The following CBFA2T3 variants were observed in gnomAD, a reference collection of about 807,000 sequenced individuals.
CBFA2T3 encodes the protein transcriptional corepressor CBFA2T3.
A neutral mutation model predicts 58.6 loss-of-function variants in CBFA2T3; 31 were observed. The ratio of observed to expected loss-of-function variants is 0.53; its 90% CI spans 0.40 to 0.71. The LOEUF (loss-of-function observed/expected upper bound fraction) is 0.71. CBFA2T3 is among the 30% of genes least tolerant of loss of function. The pLI, the probability that CBFA2T3 is intolerant of heterozygous loss-of-function variation, is 0.00. For synonymous variants in CBFA2T3, 531 were observed against 421.9 expected (o/e 1.26, Z -3.17); for missense variants, 1,076 against 963.1 (o/e 1.12, Z -1.55).
chr16:88,956,210 A>G (rs1179928178), intron 1 of CBFA2T3, among the ~76,000 whole-genome samples: 1 of 152,274 alleles, frequency 6.6e-6, no homozygotes, highest in Non-Finnish European at 1.5e-5. Context: ...GAGCCTCCAG[A>G]CAGAATGGCC....
chr16:88,925,797 C>T (rs183253800), intron 1 of CBFA2T3, among the ~76,000 whole-genome samples: 1,713 of 152,316 alleles, frequency 0.011, 31 homozygotes, highest in African/African-American at 0.037. Flanking sequence ...TCCTGCTCCC[C>T]GGCGACGGGC....
chr16:88,948,103 T>C (rs1971951695), intron 1 of CBFA2T3, among the ~76,000 whole-genome samples: 1 of 152,134 alleles, frequency 6.6e-6, no homozygotes, highest in Non-Finnish European at 1.5e-5. Context: ...TTCAGTCCCA[T>C]AAATAACTCG....
chr16:88,941,038 AT>A, intron 1 of CBFA2T3: 1 of 983,966 alleles, frequency 1.0e-6, no homozygotes, highest in Non-Finnish European at 1.2e-6. Context: ...GGTCCGGGGG[AT>A]CCGGCGGGCG....
chr16:88,885,207 C>T lies in CBFA2T3; in HGVS notation c.956G>A (p.Cys319Tyr), dbSNP rs763767844. Residue 319 changes from cysteine to tyrosine, a missense_variant, in exon 7 of 12, where the codon TGC becomes TAC. By Grantham distance (194) the Cys-to-Tyr change is radical. Coordinates refer to ENST00000268679, the MANE Select transcript of CBFA2T3 (RefSeq NM_005187.6). This position sits in a 1 kb window ranked among gnomAD's most constrained non-coding sequence, Gnocchi z 5.3. ...LHPEHLSKRP[C>Y]TLNPAQRYSP... Reference sequence around the variant, plus strand: ...GTAGCGCTGGGCAGGGTTCAGGGTGCATGGCCGTTTGCTGAGGTGCTCGGG... The same window carrying T: ...GTAGCGCTGGGCAGGGTTCAGGGTGTATGGCCGTTTGCTGAGGTGCTCGGG... 28 of 1,597,954 alleles carry T rather than the reference C, an allele frequency of 1.8e-5. No individual in the cohort carries two copies. The South Asian group carries it at 2.0e-4, about 11-fold the overall frequency.
chr16:88,924,456 TG>T lies in CBFA2T3; in HGVS notation c.152-22801del, dbSNP rs1971021511. ...GAACGAGGCTCTCGGGGGCGATGGC[TG>T]GGATGGCCTTGGAGACGGGTCCAGC... is the stretch of plus-strand genomic sequence containing the variant. On this transcript the variant is annotated intron_variant, in intron 1 of 11. Coordinates refer to ENST00000268679, the MANE Select transcript of CBFA2T3 (RefSeq NM_005187.6). Among the ~76,000 whole-genome samples the T allele has an allele frequency of 3.3e-5, 5 of 151,916 alleles. No individual in the cohort carries two copies. The South Asian group carries it at 1.0e-3, about 32-fold the overall frequency.
chr16:88,878,315 C>T (rs1463763525), intron 11 of CBFA2T3, among the ~76,000 whole-genome samples: 5 of 152,246 alleles, frequency 3.3e-5, no homozygotes, highest in Admixed American at 1.3e-4. Context: ...TGGAAATGGC[C>T]GGTGCAGAGA....
In CBFA2T3 at chr16:88,956,744, G is replaced by A. The variant is rs189534784; in HGVS notation, c.151+19913C>T. On this transcript the variant is annotated intron_variant, in intron 1 of 11. Coordinates refer to ENST00000268679, the MANE Select transcript of CBFA2T3 (RefSeq NM_005187.6). ...AAGAGGCGCTCCAGGCGTGGGCGGC[G>A]GGGGCTGGCATCTGCTCCTCGGCTG... 2.6e-3 allele frequency among the ~76,000 whole-genome samples: 392 copies of A among 152,326 alleles called. 2 individuals are homozygous for A. Among genetic ancestry groups the A allele is most frequent in the South Asian group, 0.022 (107 of 4,828 alleles).
intron 1 of CBFA2T3, among the ~76,000 whole-genome samples, chr16:88,909,736 C>T (rs1250520844): frequency 1.3e-5 from 2 of 152,182 alleles, no homozygotes; most frequent in Non-Finnish European, 2.9e-5. Context: ...CTCACAGCCC[C>T]GGAGATGGAC....
At position 88,934,935 on chromosome 16, in the gene CBFA2T3, T is replaced by C. The variant is rs375533822; in HGVS notation, c.152-33279A>G. Among the ~76,000 whole-genome samples, 106 of 152,080 alleles carry C rather than the reference T, an allele frequency of 7.0e-4. No homozygotes were observed. The East Asian group carries it at 0.019, about 27-fold the overall frequency. On this transcript the variant is annotated intron_variant, in intron 1 of 11. Transcript: ENST00000268679. ...TTTGTATTTTTTAGTAGAGACGGGG[T>C]TTCACCGTGTTAGCCAGGATGGTCT...
chr16:88,899,641 AC>A (rs1257629073), intron 2 of CBFA2T3, among the ~76,000 whole-genome samples: 1 of 152,098 alleles, frequency 6.6e-6, no homozygotes, highest in Non-Finnish European at 1.5e-5. Context: ...GGAGCATCAG[AC>A]CGGCACCTTC....
chr16:88,899,964 CT>C (rs1487676635), intron 2 of CBFA2T3, among the ~76,000 whole-genome samples: 1 of 152,208 alleles, frequency 6.6e-6, no homozygotes, highest in Non-Finnish European at 1.5e-5. Flanking sequence ...CCGGAGGGCT[CT>C]TCCGAAGAGA....
chr16:88,959,764 G>A (rs146041763), intron 1 of CBFA2T3, among the ~76,000 whole-genome samples: 6 of 152,182 alleles, frequency 3.9e-5, no homozygotes, highest in African/African-American at 1.4e-4. Flanking sequence ...AGATCATTAA[G>A]CCTGTCATCC....
intron 1 of CBFA2T3, among the ~76,000 whole-genome samples, chr16:88,903,261 ACAGAGAGG>A (rs1029886312): frequency 3.9e-5 from 6 of 152,154 alleles, no homozygotes; most frequent in African/African-American, 1.4e-4. Flanking sequence ...GGCTCCTTTT[ACAGAGAGG>A]CAGAGAGGTT....
intron 1 of CBFA2T3, among the ~76,000 whole-genome samples, chr16:88,948,807 C>G (rs530388868): frequency 6.6e-6 from 1 of 152,214 alleles, no homozygotes; most frequent in Non-Finnish European, 1.5e-5. Flanking sequence ...CAATGTGGCT[C>G]AAAGACAAGT....
chr16:88,882,705 A>G lies in CBFA2T3; in HGVS notation c.1174T>C (p.Trp392Arg). ...TTGAGGTGCTTCCACTCTTCTGCCC[A>G]CTCACGCTCTGTGAGCTTGTGGTCG... ...VIDHKLTERE[W>R]AEEWKHLNNL... The change falls in exon 8 of 12, where the codon TGG (tryptophan) becomes CGG (arginine). Residue 392 changes from tryptophan to arginine, a missense_variant. Physicochemically the swap from Trp to Arg is moderately radical, Grantham distance 101. Coordinates refer to ENST00000268679, the MANE Select transcript of CBFA2T3 (RefSeq NM_005187.6). 6.3e-7 allele frequency: 1 copy of G among 1,590,032 alleles called. No individual in the cohort carries two copies.
chr16:88,977,139 C>G lies in CBFA2T3; in HGVS notation c.-332G>C, dbSNP rs543806894. 6.4e-6 allele frequency: 2 copies of G among 314,602 alleles called. No individual in the cohort carries two copies. Among genetic ancestry groups the G allele is most frequent in the Non-Finnish European group, 1.2e-5 (2 of 168,046 alleles). The allele number at this position is 314,602 out of a possible 1,614,324, so 19.5% of individuals were successfully genotyped here. ...GGGGCCGGAGGCCTGCAGCTGCGCC[C>G]GCCACTTCCCTGACAGGAACCATCT... On this transcript the variant is annotated 5_prime_UTR_variant, in exon 1 of 12. Coordinates refer to ENST00000268679, the MANE Select transcript of CBFA2T3 (RefSeq NM_005187.6).
intron 1 of CBFA2T3, among the ~76,000 whole-genome samples, chr16:88,917,706 A>G (rs1970782371): frequency 6.6e-6 from 1 of 152,198 alleles, no homozygotes; most frequent in South Asian, 2.1e-4. Flanking sequence ...CCCTGCGTCA[A>G]GTCAAGAATG....
chr16:88,937,650 G>A (rs1418222495), intron 1 of CBFA2T3: 1 of 152,326 alleles, frequency 6.6e-6, no homozygotes, highest in South Asian at 2.1e-4. Flanking sequence ...GGTCTGGAAA[G>A]TGGGGCAGCA....
intron 2 of CBFA2T3, among the ~76,000 whole-genome samples, chr16:88,899,732 C>T (rs548553578): frequency 2.0e-5 from 3 of 152,322 alleles, no homozygotes; most frequent in African/African-American, 7.2e-5. Context: ...AGGCTCAGCC[C>T]ACGGTGTTTG....
Sources: gnomAD v4.1 joint callset for allele counts (sites outside exome capture counted in the v4.1 genomes callset) on GRCh38, gnomAD v4.1.1 for gene constraint, Gnocchi (gnomAD v3.1) non-coding constraint, MANE v1.5 for transcripts, NCBI Gene and HGNC (gene_info 2026-07-23, HGNC 2026-07-21) for gene names.